The following SEPTIN9 variants were observed in gnomAD, a reference collection of about 807,000 sequenced individuals.
SEPTIN9 encodes the protein septin-9.
In SEPTIN9, 13 loss-of-function variants were observed where a neutral mutation model predicts 56.6. The observed-to-expected ratio is 0.23, with a 90% CI of 0.15 to 0.37. The LOEUF is 0.37. Among genes scored for constraint, SEPTIN9 ranks in the 10% least tolerant of loss-of-function variants. SEPTIN9 has a pLI of 1.00. For synonymous variants in SEPTIN9, 332 were observed against 334.1 expected, an observed-to-expected ratio of 0.99 and a Z score of 0.07; for missense variants, 650 against 823.1, an observed-to-expected ratio of 0.79 and a Z score of 2.57.
At chr17:77,455,180 G>T (rs1381085863) in intron 3 of SEPTIN9, among the ~76,000 whole-genome samples, 1 of 152,122 alleles carries the variant, frequency 6.6e-6, no homozygotes, top group Admixed American at 6.5e-5. Flanking sequence ...GCTAAGGGTG[G>T]GGAACACCCT....
At position 77,473,386 on chromosome 17, in the gene SEPTIN9, TA is replaced by T. The variant is rs564274098; in HGVS notation, c.722-8756del. The stretch of plus-strand genomic sequence containing the variant: ...TCACACCAAGTTTGTTTGTTTTTTT[TA>T]ATTCTCATTTTATTTTATTTCATTT... On this transcript the variant is annotated intron_variant, in intron 3 of 11. Transcript: ENST00000427177. 4.6e-5 allele frequency among the ~76,000 whole-genome samples: 7 copies of T among 152,336 alleles called. No homozygotes were observed. In the South Asian group the frequency reaches 1.2e-3, roughly 27 times the overall value.
intron 4 of SEPTIN9, among the ~76,000 whole-genome samples, chr17:77,486,524 G>A (rs1230614106): frequency 1.1e-4 from 12 of 108,230 alleles, no homozygotes; most frequent in East Asian, 6.1e-4. Context: ...GTGTGTGTGC[G>A]CGCACGCGCG....
At chr17:77,377,769 G>T (rs2034984876) in intron 2 of SEPTIN9, among the ~76,000 whole-genome samples, 1 of 152,232 alleles carries the variant, frequency 6.6e-6, no homozygotes, top group African/African-American at 2.4e-5. Context: ...AGGCCCCGTT[G>T]CTTGGTAATA....
chr17:77,485,000 A>ATGTGGGTGGTGGTGGTG (rs1568112349), intron 4 of SEPTIN9, among the ~76,000 whole-genome samples: 2 of 1,234 alleles, frequency 1.6e-3, no homozygotes, highest in Non-Finnish European at 2.8e-3. Context: ...GATGGTGGTG[A>ATGTGGGTGGTGGTGGTG]AGGGGGTGAT....
chr17:77,426,329 A>G (rs1026170354), intron 3 of SEPTIN9, among the ~76,000 whole-genome samples: 1 of 151,940 alleles, frequency 6.6e-6, no homozygotes, highest in African/African-American at 2.4e-5. Flanking sequence ...TGATGGTGTA[A>G]AGGGTGCCCC....
In SEPTIN9 at chr17:77,330,309, C is replaced by T. The variant is rs373844736; in HGVS notation, c.76+23112C>T. The stretch of plus-strand genomic sequence containing the variant: ...GGAGCTGGTGTAGGAAGGAAGGTGC[C>T]GGGAGCCAGCTCCAATTCACGTGCT... On this transcript the variant is annotated intron_variant, in intron 2 of 11. Transcript: ENST00000427177. This position sits in a 1 kb window ranked among gnomAD's most constrained non-coding sequence, Gnocchi z 4.4. Among the ~76,000 whole-genome samples, 22 of 152,256 alleles carry T rather than the reference C, an allele frequency of 1.4e-4. No homozygotes were observed. Among genetic ancestry groups the T allele is most frequent in the African/African-American group, 3.4e-4 (14 of 41,550 alleles).
chr17:77,492,682 A>T lies in SEPTIN9; in HGVS notation c.1442A>T (p.Asp481Val). Residue 481 changes from aspartate (D) to valine (V), a missense_variant, in exon 9 of 12, where the codon GAC becomes GTC. This residue lies in a region of SEPTIN9 where 333 missense variants were observed against 494.0 expected (regional missense o/e 0.67). Coordinates refer to ENST00000427177, the MANE Select transcript of SEPTIN9 (RefSeq NM_001113491.2). The surrounding 1 kb of genome is among the most constrained non-coding windows in gnomAD (Gnocchi z 5.4). ...DVYPQKEFDE[D>V]SEDRLVNEKF... is the part of the protein sequence containing the mutation. ...TACCCCCAGAAGGAATTTGATGAGG[A>T]CTCGGAGGACCGGCTGGTGAACGAG... 1 of 1,614,042 alleles carries T rather than the reference A, an allele frequency of 6.2e-7. No homozygotes were observed. The highest frequency in any genetic ancestry group is 8.5e-7 in the Non-Finnish European group (1 of 1,180,002).
At chr17:77,495,426 T>G (rs2143450471) in intron 10 of SEPTIN9, among the ~76,000 whole-genome samples, 1 of 152,320 alleles carries the variant, frequency 6.6e-6, no homozygotes, top group East Asian at 1.9e-4. Context: ...GCCTCCCACT[T>G]GGTGAACAGC....
chr17:77,492,143 G>A lies in SEPTIN9; in HGVS notation c.1381-478G>A, dbSNP rs1351326410. On this transcript the variant is annotated intron_variant, in intron 8 of 11. Coordinates refer to ENST00000427177, the MANE Select transcript of SEPTIN9 (RefSeq NM_001113491.2). This position sits in a 1 kb window ranked among gnomAD's most constrained non-coding sequence, Gnocchi z 5.4. Reference sequence around the variant, plus strand: ...GTGTGTCTGCCGGAGGCTACACACGGGCTGTGGTCTGTGCCTGGGCAGGCG... The same window carrying A: ...GTGTGTCTGCCGGAGGCTACACACGAGCTGTGGTCTGTGCCTGGGCAGGCG... Among the ~76,000 whole-genome samples, 1 of 152,226 alleles carries A rather than the reference G, an allele frequency of 6.6e-6. No homozygotes were observed. Among genetic ancestry groups the A allele is most frequent in the African/African-American group, 2.4e-5 (1 of 41,452 alleles).
At chr17:77,417,564 TCTTA>T (rs113589735) in intron 3 of SEPTIN9, among the ~76,000 whole-genome samples, 2,671 of 152,170 alleles carry the variant, frequency 0.018, 84 homozygotes, top group African/African-American at 0.061. Context: ...ACATCATATA[TCTTA>T]GTGTGTATAG....
At chr17:77,333,982 A>G (rs953600795) in intron 2 of SEPTIN9, among the ~76,000 whole-genome samples, 1 of 152,190 alleles carries the variant, frequency 6.6e-6, no homozygotes, top group African/African-American at 2.4e-5. Context: ...CCTTCATTTT[A>G]TAATGCTTGA....
At chr17:77,301,632 C>T (rs1015964852) in intron 1 of SEPTIN9, among the ~76,000 whole-genome samples, 29 of 152,078 alleles carry the variant, frequency 1.9e-4, no homozygotes, top group African/African-American at 6.5e-4. Flanking sequence ...AGGCTGATCT[C>T]GAACTCCGGA....
Position 77,475,460 on chromosome 17 carries a change from G to A in SEPTIN9, c.722-6684G>A. 1 of 1,558,674 alleles carries A rather than the reference G, an allele frequency of 6.4e-7. No individual in the cohort carries two copies. The highest frequency in any genetic ancestry group is 8.7e-7 in the Non-Finnish European group (1 of 1,155,592). The stretch of plus-strand genomic sequence containing the variant: ...GCATCAGGGACTCACTCAGCTTTAA[G>A]AAGCCCCTTTGTGGGGGACAGGGAG... On this transcript the variant is annotated intron_variant, in intron 3 of 11. Transcript: ENST00000427177. The surrounding 1 kb of genome is among the most constrained non-coding windows in gnomAD (Gnocchi z 4.6).
chr17:77,474,598 C>G (rs955178937), intron 3 of SEPTIN9, among the ~76,000 whole-genome samples: 2 of 152,164 alleles, frequency 1.3e-5, no homozygotes, highest in African/African-American at 2.4e-5. Flanking sequence ...TGCACCGCAG[C>G]TGCACCTTCT....
At position 77,451,626 on chromosome 17, in the gene SEPTIN9, G is replaced by C; in HGVS notation, c.722-30518G>C. 2.2e-6 allele frequency: 2 copies of C among 894,816 alleles called. No homozygotes were observed. Among genetic ancestry groups the C allele is most frequent in the Non-Finnish European group, 2.7e-6 (2 of 747,168 alleles). The allele number at this position is 894,816 out of a possible 1,614,324, so 55.4% of individuals were successfully genotyped here. ...GGCGGACCCTGATGGCCATGGTGGC[G>C]GTGCCGGGAGCCACGCTGTCCCTGG... is the stretch of plus-strand genomic sequence containing the variant. On this transcript the variant is annotated intron_variant, in intron 3 of 11. Coordinates refer to ENST00000427177, the MANE Select transcript of SEPTIN9 (RefSeq NM_001113491.2). The surrounding 1 kb of genome is among the most constrained non-coding windows in gnomAD (Gnocchi z 4.2).
chr17:77,378,324 C>T lies in SEPTIN9; in HGVS notation c.77-23735C>T, dbSNP rs77984121. ...GGATGCCCAGGCCGCCCTCACTCTGCCATTGGAAAGCTGGGCGGCTTCGGT... is the reference window on the plus strand; with the variant it reads ...GGATGCCCAGGCCGCCCTCACTCTGTCATTGGAAAGCTGGGCGGCTTCGGT... On this transcript the variant is annotated intron_variant, in intron 2 of 11. Transcript: ENST00000427177. Among the ~76,000 whole-genome samples, 1,484 of 152,098 alleles carry T rather than the reference C, an allele frequency of 9.8e-3. 23 individuals are homozygous for T. Among genetic ancestry groups the T allele is most frequent in the African/African-American group, 0.034 (1,422 of 41,486 alleles).
rs1443020094 is a variant in SEPTIN9 at position 77,475,243 on chromosome 17, A to G, written c.722-6901A>G. ...GAGGAAACCGCACACATCATTATTC[A>G]GTTACCATCGTGGGGAGACTGTCTG... On this transcript the variant is annotated intron_variant, in intron 3 of 11. Transcript: ENST00000427177. The surrounding 1 kb of genome is among the most constrained non-coding windows in gnomAD (Gnocchi z 4.6). 7.4e-7 allele frequency: 1 copy of G among 1,347,030 alleles called. No homozygotes were observed. Among genetic ancestry groups the G allele is most frequent in the African/African-American group, 1.5e-5 (1 of 68,554 alleles). The allele number at this position is 1,347,030 out of a possible 1,614,324, so 83.4% of individuals were successfully genotyped here.
At position 77,327,483 on chromosome 17, in the gene SEPTIN9, T is replaced by G. The variant is rs12603690; in HGVS notation, c.76+20286T>G. 0.47 allele frequency among the ~76,000 whole-genome samples: 71,375 copies of G among 151,990 alleles called. 17,537 individuals are homozygous for G. Among genetic ancestry groups the G allele is most frequent in the East Asian group, 0.79 (4,055 of 5,160 alleles). ...GCCTTGGTTCAAGCCCACCCTGACTTGGAGCCTGAGGGTCCCTGAGGGGGT... is the reference window on the plus strand; with the variant it reads ...GCCTTGGTTCAAGCCCACCCTGACTGGGAGCCTGAGGGTCCCTGAGGGGGT... On this transcript the variant is annotated intron_variant, in intron 2 of 11. Transcript: ENST00000427177. This position sits in a 1 kb window ranked among gnomAD's most constrained non-coding sequence, Gnocchi z 5.0.
At chr17:77,485,586 C>T (rs897785651) in intron 4 of SEPTIN9, among the ~76,000 whole-genome samples, 2 of 151,870 alleles carry the variant, frequency 1.3e-5, no homozygotes, top group African/African-American at 4.8e-5. Flanking sequence ...TAAAGGGATA[C>T]ACCTTGCAGT....
Sources: gnomAD v4.1 joint callset for allele counts (sites outside exome capture counted in the v4.1 genomes callset) on GRCh38, gnomAD v4.1.1 for gene constraint, gnomAD v4.1.1 regional missense constraint, Gnocchi (gnomAD v3.1) non-coding constraint, MANE v1.5 for transcripts, NCBI Gene and HGNC (gene_info 2026-07-23, HGNC 2026-07-21) for gene names.